Variants in MAMDC4 observed in about 807,000 individuals in gnomAD.
The protein encoded by MAMDC4 is MAM domain containing 4.
A neutral mutation model predicts 153.3 loss-of-function variants in MAMDC4; 168 were observed. The ratio of observed to expected loss-of-function variants is 1.10; its 90% CI spans 0.97 to 1.25. The LOEUF is 1.25. Among genes scored for constraint, MAMDC4 ranks in the 50% most tolerant of loss-of-function variants. The pLI, the probability that MAMDC4 is intolerant of heterozygous loss-of-function variation, is 0.00. For missense variants in MAMDC4, 1,701 were observed against 1,542.8 expected (o/e 1.10, Z -1.72); for synonymous variants, 744 against 651.5 (o/e 1.14, Z -2.16).
In MAMDC4 at chr9:136,854,309, C is replaced by A; in HGVS notation, c.769C>A (p.Leu257Met). 6.3e-7 allele frequency: 1 copy of A among 1,591,344 alleles called. No homozygotes were observed. Among genetic ancestry groups the A allele is most frequent in the East Asian group, 2.3e-5 (1 of 44,348 alleles). The change falls in exon 7 of 27, where the codon CTG (leucine) becomes ATG (methionine). Residue 257 changes from leucine (L) to methionine (M), a missense_variant. Leu to Met is a conservative substitution (Grantham distance 15, BLOSUM62 2). Coordinates refer to ENST00000317446, the MANE Select transcript of MAMDC4 (RefSeq NM_206920.3). ...CGACGGGGAAGACAACTGCGGGGAC[C>A]TGTCTGATGAGAACCCACTCACCTG... is the stretch of plus-strand genomic sequence containing the variant. ...LCDGEDNCGD[L>M]SDENPLTCGR...
Position 136,855,089 on chromosome 9 carries a change from C to T in MAMDC4, c.1176C>T (p.Ile392=). Residue 392 remains isoleucine, a synonymous_variant, in exon 10 of 27, where the codon ATC becomes ATT. Transcript: ENST00000317446. ...GTAWVRDRVD[I]QSAYPFQILL... The stretch of plus-strand genomic sequence containing the variant: ...CCTGGGTCCGAGACCGTGTTGACAT[C>T]CAGAGCGCCTACCCCTTCCAGGTAG... The T allele has an allele frequency of 6.3e-7, 1 of 1,584,992 alleles. No individual in the cohort carries two copies. Among genetic ancestry groups the T allele is most frequent in the Non-Finnish European group, 8.6e-7 (1 of 1,166,170 alleles).
rs764089668 is a variant in MAMDC4 at position 136,853,588 on chromosome 9, C to T, written c.372C>T (p.Ser124=). 4 of 1,612,618 alleles carry T rather than the reference C, an allele frequency of 2.5e-6. No homozygotes were observed. Among genetic ancestry groups the T allele is most frequent in the Admixed American group, 3.3e-5 (2 of 60,024 alleles). The change falls in exon 4 of 27, where the codon TCC becomes TCT. Residue 124 remains serine, a synonymous_variant. Transcript: ENST00000317446. ...GAACCCACCGAGGGAAAGAGGCATC[C>T]ACCGCAGCCCTGCGCTCGCCAACCC... ...AVGTHRGKEA[S]TAALRSPTLR... is the part of the protein sequence containing the mutation.
chr9:136,855,439 A>C lies in MAMDC4; in HGVS notation c.1291A>C (p.Thr431Pro). The C allele has an allele frequency of 6.2e-7, 1 of 1,608,242 alleles. No individual in the cohort carries two copies. Residue 431 changes from threonine to proline, a missense_variant, in exon 12 of 27, where the codon ACC (threonine) becomes CCC (proline). Coordinates refer to ENST00000317446, the MANE Select transcript of MAMDC4 (RefSeq NM_206920.3). ...DHCRPVSEVS[T>P]LQPLPPGPRA... Reference sequence around the variant, plus strand: ...CAGTTCTGCCCCCACAGAGGTGTCCACCCTGCAGCCGCTGCCTCCTGGGCC... The same window carrying C: ...CAGTTCTGCCCCCACAGAGGTGTCCCCCCTGCAGCCGCTGCCTCCTGGGCC...
chr9:136,853,576 G>C lies in MAMDC4; in HGVS notation c.360G>C (p.Gly120=). The change falls in exon 4 of 27, where the codon GGG becomes GGC. Residue 120 remains glycine, a synonymous_variant. Coordinates refer to ENST00000317446, the MANE Select transcript of MAMDC4 (RefSeq NM_206920.3). ...ACATGGCCGTTGGAACCCACCGAGG[G>C]AAAGAGGCATCCACCGCAGCCCTGC... is the stretch of plus-strand genomic sequence containing the variant. The part of the protein sequence containing the change: ...GWYMAVGTHR[G]KEASTAALRS... 1 of 1,612,642 alleles carries C rather than the reference G, an allele frequency of 6.2e-7. No individual in the cohort carries two copies. Among genetic ancestry groups the C allele is most frequent in the Non-Finnish European group, 8.5e-7 (1 of 1,179,956 alleles).
chr9:136,854,597 C>G lies in MAMDC4; in HGVS notation c.855C>G (p.Gly285=). ...TGGGCCCATGGAACCGCTCGGAAGG[C>G]TGGTCCCGGAACCACCGCGCTGGTG... ...TGLGPWNRSE[G]WSRNHRAGGP... is the part of the protein sequence containing the mutation. The change falls in exon 8 of 27, where the codon GGC becomes GGG. Residue 285 remains glycine, a synonymous_variant. Transcript: ENST00000317446. The G allele has an allele frequency of 6.2e-7, 1 of 1,607,820 alleles. No homozygotes were observed. The highest frequency in any genetic ancestry group is 8.5e-7 in the Non-Finnish European group (1 of 1,177,992).
At chr9:136,854,698 G>A (rs1226358728) in intron 8 of MAMDC4, 22 bp downstream of exon 8, 3 of 1,611,304 alleles carry the variant, frequency 1.9e-6, no homozygotes, top group African/African-American at 1.3e-5. Flanking sequence ...AGAGGACCCG[G>A]CCCAGGCCCT....
chr9:136,859,662 A>C, intron 25 of MAMDC4: 1 of 602,254 alleles, frequency 1.7e-6, no homozygotes, highest in Non-Finnish European at 2.9e-6. Flanking sequence ...TGGTGAGGGA[A>C]AGAATCTCGC....
chr9:136,858,112 G>A lies in MAMDC4; in HGVS notation c.2583+15G>A, dbSNP rs1849033553. 6.5e-7 allele frequency: 1 copy of A among 1,530,702 alleles called. No individual in the cohort carries two copies. Among genetic ancestry groups the A allele is most frequent in the East Asian group, 2.5e-5 (1 of 40,660 alleles). The allele number at this position is 1,530,702 out of a possible 1,614,324, so 94.8% of individuals were successfully genotyped here. ...GAGCCTGGAGGGTGAGTGCAGGGTG[G>A]GGTGCCCCTCCCCCTCCCCCTCCCC... is the stretch of plus-strand genomic sequence containing the variant. On this transcript the variant is annotated intron_variant, in intron 20 of 26. Transcript: ENST00000317446.
intron 3 of MAMDC4, 38 bp from the exon 4 acceptor site, chr9:136,853,507 G>A (rs1050737855): frequency 6.2e-7 from 1 of 1,612,200 alleles, no homozygotes. Flanking sequence ...TACCCTCCTT[G>A]CTCCCTGCCC....
rs1177886155 is a variant in MAMDC4, at chr9:136,859,936, C to T, written c.3244C>T (p.Leu1082=). ...SVPAVVGSAL[L]LLMLLVLLGL... is the part of the protein sequence containing the mutation. ...GCCAGCTGTGGTTGGCAGTGCCCTC[C>T]TATTGCTCATGCTCCTGGTGCTGCT... The change falls in exon 26 of 27, where the codon CTA becomes TTA. Residue 1082 remains leucine (L), a synonymous_variant. Transcript: ENST00000317446. The T allele has an allele frequency of 6.2e-7, 1 of 1,612,944 alleles. No individual in the cohort carries two copies. The highest frequency in any genetic ancestry group is 8.5e-7 in the Non-Finnish European group (1 of 1,179,946).
chr9:136,857,910 C>A, intron 19 of MAMDC4, 69 bp from the exon 20 acceptor site: 1 of 1,476,310 alleles, frequency 6.8e-7, no homozygotes, highest in Non-Finnish European at 9.0e-7. Flanking sequence ...GGCTGGGAGC[C>A]TGGGAGCTCA....
At chr9:136,858,127 T>TCCCCCCCCCCCCCC in intron 20 of MAMDC4, 30 bp downstream of exon 20, 2 of 1,179,192 alleles carry the variant, frequency 1.7e-6, no homozygotes, top group Non-Finnish European at 2.3e-6. Context: ...CCCCTCCCCC[T>TCCCCCCCCCCCCCC]CCCCCTCCCC....
rs377090544 is a variant in MAMDC4, at chr9:136,860,672, G to A, written c.*69G>A. The A allele has an allele frequency of 3.3e-5, 51 of 1,568,142 alleles. No homozygotes were observed. The highest frequency in any genetic ancestry group is 3.9e-5 in the Non-Finnish European group (45 of 1,141,172). On this transcript the variant is annotated 3_prime_UTR_variant, in exon 27 of 27. Coordinates refer to ENST00000317446, the MANE Select transcript of MAMDC4 (RefSeq NM_206920.3). ...CTTGGTCAGACCCTAGCCAGGGACC[G>A]GACACCTGCCCCGCCCAGGCTGGGA...
chr9:136,860,668 G>T lies in MAMDC4; in HGVS notation c.*65G>T. 2 of 1,585,666 alleles carry T rather than the reference G, an allele frequency of 1.3e-6. No individual in the cohort carries two copies. Among genetic ancestry groups the T allele is most frequent in the Non-Finnish European group, 8.6e-7 (1 of 1,156,604 alleles). ...AGCACTTGGTCAGACCCTAGCCAGG[G>T]ACCGGACACCTGCCCCGCCCAGGCT... is the stretch of plus-strand genomic sequence containing the variant. On this transcript the variant is annotated 3_prime_UTR_variant, in exon 27 of 27. Transcript: ENST00000317446.
rs1849051648 is a variant in MAMDC4 at position 136,859,225 on chromosome 9, C to T, written c.3101C>T (p.Thr1034Ile). Residue 1034 changes from threonine (T) to isoleucine (I), a missense_variant, in exon 25 of 27, where the codon ACT becomes ATT. Coordinates refer to ENST00000317446, the MANE Select transcript of MAMDC4 (RefSeq NM_206920.3). ...CTCCATCAGATCGTGTTTGAAGCCA[C>T]TCTGGGCGGCCAGCCAGCCCTGGGG... ...AKEFQIVFEA[T>I]LGGQPALGPI... The T allele has an allele frequency of 2.5e-6, 4 of 1,611,502 alleles. No homozygotes were observed. Among genetic ancestry groups the T allele is most frequent in the South Asian group, 2.2e-5 (2 of 90,922 alleles).
At position 136,860,733 on chromosome 9, in the gene MAMDC4, C is replaced by T. The variant is rs918304586; in HGVS notation, c.*130C>T. On this transcript the variant is annotated 3_prime_UTR_variant, in exon 27 of 27. Transcript: ENST00000317446. ...GTCTCAGGATATGCTGAGGCCTGGG[C>T]GTTCCCTGCCCTGTGCTGACTCTGT... The T allele has an allele frequency of 3.1e-6, 3 of 960,760 alleles. No homozygotes were observed. Among genetic ancestry groups the T allele is most frequent in the East Asian group, 5.2e-5 (2 of 38,594 alleles). The allele number at this position is 960,760 out of a possible 1,614,324, so 59.5% of individuals were successfully genotyped here. A position where few individuals can be genotyped will look rare whatever the true frequency, so the allele number is the denominator to read the frequency against.
Position 136,860,562 on chromosome 9 carries a change from G to A in MAMDC4, c.3373G>A (p.Asp1125Asn). The change falls in exon 27 of 27, where the codon GAT becomes AAT. Residue 1125 changes from aspartate to asparagine, a missense_variant and splice_region_variant. Asp to Asn is a conservative substitution (Grantham distance 23). Transcript: ENST00000317446. ...AAAAAGCTCCTCTTCCTCCTCCTAG[G>A]ATGGTGTCACCCTCCCGGCATCTGT... ...PGFDNILFNA[D>N]GVTLPASVTS... 6.2e-7 allele frequency: 1 copy of A among 1,612,420 alleles called. No homozygotes were observed. The highest frequency in any genetic ancestry group is 8.5e-7 in the Non-Finnish European group (1 of 1,179,814).
rs1251154746 is a variant in MAMDC4 at position 136,858,045 on chromosome 9, G to A, written c.2531G>A (p.Gly844Glu). 2 of 1,528,608 alleles carry A rather than the reference G, an allele frequency of 1.3e-6. No individual in the cohort carries two copies. The highest frequency in any genetic ancestry group is 2.0e-5 in the Admixed American group (1 of 50,024). 94.7% of individuals were successfully genotyped at this position (1,528,608 alleles called of 1,614,324 possible). A position where few individuals can be genotyped will look rare whatever the true frequency, so the allele number is the denominator to read the frequency against. Reference sequence around the variant, plus strand: ...GTGCTCAGCCTCAGTGCCCACGGCGGGCTTGCCTGGCGCCTGGGCAGCATG... The same window carrying A: ...GTGCTCAGCCTCAGTGCCCACGGCGAGCTTGCCTGGCGCCTGGGCAGCATG... ...HQVLSLSAHG[G>E]LAWRLGSMDV... is the part of the protein sequence containing the mutation. The change falls in exon 20 of 27, where the codon GGG becomes GAG. Residue 844 changes from glycine (G) to glutamate (E), a missense_variant. Gly to Glu is a moderately conservative substitution (Grantham distance 98, BLOSUM62 -2). Transcript: ENST00000317446.
Position 136,857,806 on chromosome 9 carries a change from T to C in MAMDC4, c.2464+10T>C. 15 of 1,610,852 alleles carry C rather than the reference T, an allele frequency of 9.3e-6. No homozygotes were observed. Among genetic ancestry groups the C allele is most frequent in the Non-Finnish European group, 1.3e-5 (15 of 1,179,008 alleles). On this transcript the variant is annotated intron_variant, in intron 19 of 26. Coordinates refer to ENST00000317446, the MANE Select transcript of MAMDC4 (RefSeq NM_206920.3). ...AGCCTCCGCAGCCCAGGTGAGGGGC[T>C]TTGGGAGGGGGCCCCAGTGGGCTCA...
Sources: allele counts gnomAD v4.1 joint callset, GRCh38; gene constraint gnomAD v4.1.1; transcripts MANE v1.5; gene names NCBI Gene and HGNC (gene_info 2026-07-23, HGNC 2026-07-21).